PIK3R1: variants seen among roughly 807,000 people sequenced by gnomAD.
The protein encoded by PIK3R1 is phosphatidylinositol 3-kinase regulatory subunit alpha.
A neutral mutation model predicts 98.0 loss-of-function variants in PIK3R1; 29 were observed. The observed-to-expected ratio is 0.30, with a 90% CI of 0.22 to 0.40. The LOEUF is 0.40. PIK3R1 is among the 10% of genes least tolerant of loss of function. The pLI is 1.00. For missense variants in PIK3R1, 596 were observed against 872.7 expected, an observed-to-expected ratio of 0.68 and a Z score of 3.99; for synonymous variants, 282 against 311.8, an observed-to-expected ratio of 0.90 and a Z score of 1.01.
At chr5:68,221,275 G>A (rs146585339) in intron 1 of PIK3R1, among the ~76,000 whole-genome samples, 1,947 of 152,286 alleles carry the variant, frequency 0.013, 14 homozygotes, top group Non-Finnish European at 0.019. Context: ...AATTTTGTTC[G>A]TCTTGATTTT....
chr5:68,217,798 G>A (rs1196147000), intron 1 of PIK3R1: 1 of 152,102 alleles, frequency 6.6e-6, no homozygotes, highest in Non-Finnish European at 1.5e-5. Flanking sequence ...TTTATATGCA[G>A]GTAGGTACTA....
At chr5:68,288,475 C>T in intron 7 of PIK3R1, 9 of 1,305,412 alleles carry the variant, frequency 6.9e-6, no homozygotes, top group Non-Finnish European at 8.7e-6. Context: ...GCGGCGGTGG[C>T]CCGGACGCAC....
intron 2 of PIK3R1, among the ~76,000 whole-genome samples, chr5:68,247,143 C>G (rs993559822): frequency 1.3e-5 from 2 of 152,134 alleles, no homozygotes; most frequent in African/African-American, 4.8e-5. Context: ...TGGAACTTTT[C>G]CCTGTGCTTT....
Position 68,226,382 on chromosome 5 carries a change from G to C in PIK3R1, c.-294G>C. ...GAAAGGATTGGGCCTCGCTGTGAGA[G>C]TCAGCCTGGATTCAAAGTGTTGACA... is the stretch of plus-strand genomic sequence containing the variant. On this transcript the variant is annotated 5_prime_UTR_variant, in exon 2 of 16. Coordinates refer to ENST00000521381, the MANE Select transcript of PIK3R1 (RefSeq NM_181523.3). 2.1e-6 allele frequency: 1 copy of C among 471,134 alleles called. No homozygotes were observed. Among genetic ancestry groups the C allele is most frequent in the Non-Finnish European group, 3.7e-6 (1 of 268,064 alleles). 29.2% of individuals were successfully genotyped at this position (471,134 alleles called of 1,614,324 possible).
chr5:68,232,547 G>C (rs1190728503), intron 2 of PIK3R1, among the ~76,000 whole-genome samples: 1 of 152,180 alleles, frequency 6.6e-6, no homozygotes, highest in African/African-American at 2.4e-5. Context: ...GTTATTTGAA[G>C]GGAATCACTT....
intron 4 of PIK3R1, among the ~76,000 whole-genome samples, chr5:68,276,636 C>T (rs1173889942): frequency 1.3e-5 from 2 of 152,160 alleles, no homozygotes; most frequent in South Asian, 2.1e-4. Context: ...AGGCCAGTTT[C>T]AATGCAGAAA....
intron 2 of PIK3R1, among the ~76,000 whole-genome samples, chr5:68,258,465 C>CT (rs1306687848): frequency 6.6e-6 from 1 of 152,202 alleles, no homozygotes; most frequent in Non-Finnish European, 1.5e-5. Flanking sequence ...CCTCTGCCCT[C>CT]TTTAAGTTAT....
intron 2 of PIK3R1, among the ~76,000 whole-genome samples, chr5:68,231,813 T>A (rs1347589625): frequency 1.3e-5 from 2 of 152,254 alleles, no homozygotes; most frequent in African/African-American, 4.8e-5. Flanking sequence ...GCTGTGAACT[T>A]GGAGGTTTGT....
Position 68,245,311 on chromosome 5 carries a change from CT to C in PIK3R1, c.334+18311del, listed in dbSNP as rs879278386. 1.3e-3 allele frequency among the ~76,000 whole-genome samples: 194 copies of C among 151,374 alleles called. 1 individual carries two copies. Among genetic ancestry groups the C allele is most frequent in the South Asian group, 8.8e-3 (42 of 4,798 alleles). On this transcript the variant is annotated intron_variant, in intron 2 of 15. Transcript: ENST00000521381. The stretch of plus-strand genomic sequence containing the variant: ...AAGTTTAAGAATTTAGACAAATATG[CT>C]TTTTTTTTAAAAAAAAATAGTTGAG...
intron 4 of PIK3R1, among the ~76,000 whole-genome samples, chr5:68,277,674 T>C (rs1396747917): frequency 6.6e-6 from 1 of 152,210 alleles, no homozygotes; most frequent in African/African-American, 2.4e-5. Context: ...CTCCCACTCA[T>C]TTATACTCAA....
At chr5:68,279,532 T>C in intron 4 of PIK3R1, 70 bp from the exon 5 acceptor site, 1 of 1,268,456 alleles carries the variant, frequency 7.9e-7, no homozygotes, top group Non-Finnish European at 1.1e-6. Context: ...GTCAAATTGT[T>C]CAGAAAATTA....
At chr5:68,285,969 A>G (rs1420603769) in intron 7 of PIK3R1, among the ~76,000 whole-genome samples, 1 of 152,220 alleles carries the variant, frequency 6.6e-6, no homozygotes, top group Admixed American at 6.5e-5. Context: ...TTTGTTGTCT[A>G]TTCTTTTTTT....
In PIK3R1 at chr5:68,299,854, C is replaced by G. The variant is rs1747941599; in HGVS notation, c.*2253C>G. 2 of 233,110 alleles carry G rather than the reference C, an allele frequency of 8.6e-6. No individual in the cohort carries two copies. The highest frequency in any genetic ancestry group is 1.7e-5 in the Non-Finnish European group (2 of 118,030). The allele number at this position is 233,110 out of a possible 1,614,324, so 14.4% of individuals were successfully genotyped here. On this transcript the variant is annotated 3_prime_UTR_variant, in exon 16 of 16. Coordinates refer to ENST00000521381, the MANE Select transcript of PIK3R1 (RefSeq NM_181523.3). ...AGACTGTTAGCCCTCAAACTTGACT[C>G]TACTGATCTGACCATTTCCCTCTCA...
intron 2 of PIK3R1, among the ~76,000 whole-genome samples, chr5:68,231,544 C>T (rs1270539080): frequency 1.3e-5 from 2 of 152,070 alleles, no homozygotes; most frequent in African/African-American, 4.8e-5. Flanking sequence ...GTTGTTGTTC[C>T]CTGTCCAGAA....
At chr5:68,243,971 T>C (rs1173205659) in intron 2 of PIK3R1, among the ~76,000 whole-genome samples, 4 of 152,226 alleles carry the variant, frequency 2.6e-5, no homozygotes, top group Non-Finnish European at 5.9e-5. Context: ...AATGAGAAGA[T>C]TAAACAGCTG....
intron 7 of PIK3R1, among the ~76,000 whole-genome samples, chr5:68,284,775 A>C (rs1747012817): frequency 6.6e-6 from 1 of 152,144 alleles, no homozygotes; most frequent in African/African-American, 2.4e-5. Context: ...TAATTATCTA[A>C]ATTTTTCTTT....
intron 7 of PIK3R1, among the ~76,000 whole-genome samples, chr5:68,281,218 A>G (rs1477733251): frequency 6.6e-6 from 1 of 152,206 alleles, no homozygotes; most frequent in Non-Finnish European, 1.5e-5. Context: ...ATTTTAAATT[A>G]TCTTGGTTTT....
intron 2 of PIK3R1, among the ~76,000 whole-genome samples, chr5:68,256,457 C>G (rs1745518380): frequency 6.6e-6 from 1 of 152,192 alleles, no homozygotes; most frequent in Non-Finnish European, 1.5e-5. Flanking sequence ...GTCTCGATCT[C>G]CTGACCTTGT....
chr5:68,263,108 C>CATGT (rs1745953321), intron 2 of PIK3R1, among the ~76,000 whole-genome samples: 1 of 129,842 alleles, frequency 7.7e-6, no homozygotes, highest in African/African-American at 3.0e-5. Context: ...TATATAGATA[C>CATGT]ATACATAGAT....
Sources: gnomAD v4.1 joint callset for allele counts (sites outside exome capture counted in the v4.1 genomes callset) on GRCh38, gnomAD v4.1.1 for gene constraint, MANE v1.5 for transcripts, NCBI Gene and HGNC (gene_info 2026-07-23, HGNC 2026-07-21) for gene names.